The following CDC42BPA variants were observed in gnomAD, a reference collection of about 807,000 sequenced individuals.
CDC42BPA encodes the protein CDC42 binding protein kinase alpha.
Under a neutral mutation model 223.5 loss-of-function variants are expected in CDC42BPA, and 80 were observed. That is an observed-to-expected ratio of 0.36 (90% CI 0.30 to 0.43). The LOEUF is 0.43. CDC42BPA is among the 20% of genes least tolerant of loss of function. The pLI, the probability that CDC42BPA is intolerant of heterozygous loss-of-function variation, is 1.00. For synonymous variants in CDC42BPA, 694 were observed against 718.6 expected (o/e 0.97, Z 0.55); for missense variants, 1,743 against 2,099.9 (o/e 0.83, Z 3.32).
chr1:227,040,008 C>G (rs1671051539), intron 24 of CDC42BPA, 123 bp downstream of exon 24: 1 of 686,932 alleles, frequency 1.5e-6, no homozygotes, highest in East Asian at 2.7e-5. Context: ...TATTTCCATT[C>G]CTGTTATGCA....
chr1:227,039,230 C>T (rs966834509), intron 24 of CDC42BPA, among the ~76,000 whole-genome samples: 1 of 152,114 alleles, frequency 6.6e-6, no homozygotes, highest in Non-Finnish European at 1.5e-5. Context: ...GACATGGTTA[C>T]ATTCTCAGGA....
intron 31 of CDC42BPA, among the ~76,000 whole-genome samples, chr1:227,025,361 A>C (rs1264861249): frequency 2.0e-5 from 3 of 152,236 alleles, no homozygotes; most frequent in Admixed American, 2.0e-4. Context: ...AGAGCTTTTT[A>C]AACTGCTATT....
Position 227,277,553 on chromosome 1 carries a change from G to A in CDC42BPA, c.179-23398C>T, listed in dbSNP as rs1264512185. On this transcript the variant is annotated intron_variant, in intron 1 of 36. Transcript: ENST00000366766. Reference sequence around the variant, plus strand: ...GAAATACGTTATCCATCACAATCAAGATGAGTTTAATCCAGGAATTTAAAA... The same window carrying A: ...GAAATACGTTATCCATCACAATCAAAATGAGTTTAATCCAGGAATTTAAAA... Among the ~76,000 whole-genome samples, 4 of 152,110 alleles carry A rather than the reference G, an allele frequency of 2.6e-5. No homozygotes were observed. The East Asian group carries it at 5.8e-4, about 22-fold the overall frequency.
intron 9 of CDC42BPA, 131 bp from the exon 10 acceptor site, chr1:227,139,873 A>T (rs1224273313): frequency 4.9e-5 from 22 of 450,424 alleles, no homozygotes; most frequent in Middle Eastern, 3.9e-4. Context: ...TTGCTCATTT[A>T]AAACACAGAT....
intron 2 of CDC42BPA, among the ~76,000 whole-genome samples, chr1:227,216,360 G>A (rs1266899150): frequency 6.6e-6 from 1 of 152,070 alleles, no homozygotes; most frequent in African/African-American, 2.4e-5. Flanking sequence ...TGGCTAAAAT[G>A]AGACTACACA....
chr1:227,119,167 A>G (rs1235183510), intron 12 of CDC42BPA, among the ~76,000 whole-genome samples: 3 of 152,060 alleles, frequency 2.0e-5, no homozygotes, highest in Non-Finnish European at 4.4e-5. Flanking sequence ...ACATTTTTCT[A>G]TTTGTTAATG....
chr1:227,217,447 C>CAA (rs34258602), intron 2 of CDC42BPA, among the ~76,000 whole-genome samples: 16 of 136,264 alleles, frequency 1.2e-4, no homozygotes, highest in East Asian at 8.5e-4. Context: ...GACTCTGTCT[C>CAA]AAAAAAAAAA....
chr1:227,137,387 C>G (rs753389548), intron 10 of CDC42BPA, among the ~76,000 whole-genome samples: 3 of 152,048 alleles, frequency 2.0e-5, no homozygotes, highest in Non-Finnish European at 4.4e-5. Context: ...GAGTTGAAGA[C>G]AGTAGAACTC....
chr1:227,139,690 C>A lies in CDC42BPA; in HGVS notation c.1276G>T (p.Asp426Tyr). 6.2e-7 allele frequency: 1 copy of A among 1,607,252 alleles called. No individual in the cohort carries two copies. The highest frequency in any genetic ancestry group is 8.5e-7 in the Non-Finnish European group (1 of 1,177,158). ...GTCCTCTGAACATTAACATCAAGAT[C>A]CAGTGAGGTGGGACCAGCCGTAACT... ...LRVTAGPTSL[D>Y]LDVNVQRTLD... Residue 426 changes from aspartate to tyrosine, a missense_variant, in exon 10 of 37, where the codon GAT (aspartate) becomes TAT (tyrosine). By Grantham distance (160) the Asp-to-Tyr change is radical (BLOSUM62 -3). Transcript: ENST00000366766.
In CDC42BPA at chr1:226,992,360, T is replaced by C. The variant is rs989387976; in HGVS notation, c.*1908A>G. The C allele has an allele frequency of 1.3e-5, 2 of 152,280 alleles. No homozygotes were observed. Among genetic ancestry groups the C allele is most frequent in the Non-Finnish European group, 2.9e-5 (2 of 68,060 alleles). 9.4% of individuals were successfully genotyped at this position (152,280 alleles called of 1,614,324 possible). ...GCACCAAACTCAGAATGTTTAAATG[T>C]CAAAGCTGTTACATGAAAATTCCCG... is the stretch of plus-strand genomic sequence containing the variant. On this transcript the variant is annotated 3_prime_UTR_variant, in exon 37 of 37. Coordinates refer to ENST00000366766, the MANE Select transcript of CDC42BPA (RefSeq NM_001394014.1).
At chr1:227,251,389 G>A (rs1681978705) in intron 2 of CDC42BPA, among the ~76,000 whole-genome samples, 1 of 152,024 alleles carries the variant, frequency 6.6e-6, no homozygotes, top group Admixed American at 6.6e-5. Flanking sequence ...CAAGAAATGA[G>A]AGAAAAACAA....
At chr1:227,107,356 C>A (rs1009709923) in intron 14 of CDC42BPA, among the ~76,000 whole-genome samples, 8 of 152,144 alleles carry the variant, frequency 5.3e-5, no homozygotes, top group African/African-American at 1.9e-4. Context: ...TATAGAAACA[C>A]AACTGATTGC....
chr1:227,048,164 T>C (rs1672839764), intron 22 of CDC42BPA, among the ~76,000 whole-genome samples, 154 bp from the exon 23 acceptor site: 1 of 152,084 alleles, frequency 6.6e-6, no homozygotes, highest in Admixed American at 6.6e-5. Flanking sequence ...AAAGCTAAAA[T>C]TCTCATAGTG....
intron 28 of CDC42BPA, 134 bp downstream of exon 28, chr1:227,031,164 A>G: frequency 1.5e-6 from 1 of 672,966 alleles, no homozygotes; most frequent in Non-Finnish European, 2.6e-6. Context: ...TCATTCAGTA[A>G]ACATGTACTG....
intron 2 of CDC42BPA, among the ~76,000 whole-genome samples, chr1:227,232,465 C>G (rs767852311): frequency 1.3e-5 from 2 of 152,198 alleles, no homozygotes; most frequent in Non-Finnish European, 2.9e-5. Context: ...CAAGGAGCTG[C>G]GTTCCTTTGG....
At chr1:227,216,217 CT>C (rs1674816998) in intron 2 of CDC42BPA, among the ~76,000 whole-genome samples, 1 of 152,120 alleles carries the variant, frequency 6.6e-6, no homozygotes, top group South Asian at 2.1e-4. Flanking sequence ...GCAATTTCTA[CT>C]TGCTTTTCTA....
At chr1:227,103,803 C>CA (rs1558504584) in intron 14 of CDC42BPA, among the ~76,000 whole-genome samples, 1 of 151,948 alleles carries the variant, frequency 6.6e-6, no homozygotes, top group East Asian at 1.9e-4. Context: ...TTTAGCAAAA[C>CA]AAACTCCTAA....
chr1:227,143,123 A>T, intron 8 of CDC42BPA, 99 bp from the exon 9 acceptor site: 3 of 670,760 alleles, frequency 4.5e-6, no homozygotes, highest in Non-Finnish European at 6.7e-6. Flanking sequence ...TTAAAAAAAA[A>T]TTGTGACTGT....
intron 10 of CDC42BPA, among the ~76,000 whole-genome samples, chr1:227,137,960 T>C (rs1428967195): frequency 6.6e-6 from 1 of 152,116 alleles, no homozygotes; most frequent in East Asian, 1.9e-4. Flanking sequence ...CATATACAAA[T>C]ATTTATTAGG....
Sources: gnomAD v4.1 joint callset for allele counts (sites outside exome capture counted in the v4.1 genomes callset) on GRCh38, gnomAD v4.1.1 for gene constraint, MANE v1.5 for transcripts, NCBI Gene and HGNC (gene_info 2026-07-23, HGNC 2026-07-21) for gene names.